FBXL2: variants seen among roughly 807,000 people sequenced by gnomAD.
The protein encoded by FBXL2 is F-box and leucine rich repeat protein 2.
FBXL2 carries 38 observed loss-of-function variants against 69.2 expected under a neutral mutation model. The ratio of observed to expected loss-of-function variants is 0.55; its 90% confidence interval spans 0.42 to 0.72. The LOEUF (loss-of-function observed/expected upper bound fraction) is 0.72. FBXL2 is among the 30% of genes least tolerant of loss of function. The pLI is 0.00. For missense variants in FBXL2, 354 were observed against 520.3 expected (o/e 0.68, Z 3.11); for synonymous variants, 192 against 201.3 (o/e 0.95, Z 0.39).
chr3:33,356,877 T>A (rs766279808), intron 2 of FBXL2, among the ~76,000 whole-genome samples: 9 of 152,170 alleles, frequency 5.9e-5, no homozygotes, highest in Non-Finnish European at 1.2e-4. Flanking sequence ...TCTCTTAGAT[T>A]AAAAGTTTCT....
intron 2 of FBXL2, among the ~76,000 whole-genome samples, chr3:33,321,764 A>G (rs1361868016): frequency 1.3e-5 from 2 of 152,188 alleles, no homozygotes; most frequent in Non-Finnish European, 2.9e-5. Flanking sequence ...TACTGTACTG[A>G]ATACTGTAGG....
chr3:33,338,663 A>G (rs2039772334), intron 2 of FBXL2, among the ~76,000 whole-genome samples: 1 of 152,222 alleles, frequency 6.6e-6, no homozygotes. Context: ...GCCACCAATA[A>G]CAAGCAATGG....
chr3:33,343,157 A>C (rs899199188), intron 2 of FBXL2, among the ~76,000 whole-genome samples: 4 of 151,940 alleles, frequency 2.6e-5, no homozygotes, highest in Non-Finnish European at 5.9e-5. Context: ...AATTATATAT[A>C]TATGATAGTT....
At chr3:33,353,794 G>A (rs533942734) in intron 2 of FBXL2, among the ~76,000 whole-genome samples, 16 of 152,224 alleles carry the variant, frequency 1.1e-4, no homozygotes, top group African/African-American at 3.1e-4. Context: ...AGGCTGAGGC[G>A]GGATGATCGA....
downstream of FBXL2, among the ~76,000 whole-genome samples, chr3:33,404,749 C>T (rs916830147): frequency 6.6e-6 from 1 of 152,016 alleles, no homozygotes; most frequent in African/African-American, 2.4e-5. Context: ...GGAGGATGGA[C>T]CTATTGTCAA....
intron 2 of FBXL2, among the ~76,000 whole-genome samples, chr3:33,340,964 G>A (rs1287380520): frequency 6.7e-6 from 1 of 149,988 alleles, no homozygotes; most frequent in Admixed American, 6.6e-5. Flanking sequence ...AACTGTACTA[G>A]TAAGTAAAAG....
chr3:33,335,891 T>G (rs2039539666), intron 2 of FBXL2, among the ~76,000 whole-genome samples: 1 of 152,168 alleles, frequency 6.6e-6, no homozygotes, highest in African/African-American at 2.4e-5. Flanking sequence ...CTATTCACAC[T>G]AGCATAAAAT....
At chr3:33,415,488 A>G in the FBXL2 span, among the ~76,000 whole-genome samples, 1 of 152,254 alleles carries the variant, frequency 6.6e-6, no homozygotes, top group Non-Finnish European at 1.5e-5. Flanking sequence ...TGAAGTTGGC[A>G]TGAGAACTTA....
In FBXL2 at chr3:33,359,027, G is replaced by A; in HGVS notation, c.120+6G>A. 6.6e-7 allele frequency: 1 copy of A among 1,514,282 alleles called. No homozygotes were observed. The highest frequency in any genetic ancestry group is 8.9e-7 in the Non-Finnish European group (1 of 1,122,608). The allele number at this position is 1,514,282 out of a possible 1,614,324, so 93.8% of individuals were successfully genotyped here. ...GATGTGCACAGATTTCCAAGGTAGA[G>A]TATTCACCAGATTTTTTAATCAATA... On this transcript the variant is annotated splice_donor_region_variant and intron_variant, in intron 3 of 14. Coordinates refer to ENST00000484457, the MANE Select transcript of FBXL2 (RefSeq NM_012157.5).
At chr3:33,369,639 G>T (rs1040293753) in intron 5 of FBXL2, among the ~76,000 whole-genome samples, 1 of 151,694 alleles carries the variant, frequency 6.6e-6, no homozygotes, top group Non-Finnish European at 1.5e-5. Context: ...ATTTTAGATA[G>T]TCTCACTCTG....
At chr3:33,287,386 C>G (rs573571644) in intron 1 of FBXL2, among the ~76,000 whole-genome samples, 3 of 152,098 alleles carry the variant, frequency 2.0e-5, no homozygotes. Flanking sequence ...TTATAGAACC[C>G]ATTCTCTGTA....
chr3:33,341,157 TG>T (rs891998088), intron 2 of FBXL2, among the ~76,000 whole-genome samples: 2 of 152,144 alleles, frequency 1.3e-5, no homozygotes, highest in Non-Finnish European at 2.9e-5. Context: ...AAATACCATT[TG>T]TGAAGTAGTC....
chr3:33,317,276 C>T (rs1238967654), intron 2 of FBXL2, among the ~76,000 whole-genome samples: 7 of 152,122 alleles, frequency 4.6e-5, no homozygotes, highest in Non-Finnish European at 7.4e-5. Flanking sequence ...CCTCTCGCAC[C>T]GTGTTGGTGA....
rs1254775413 is a variant in FBXL2 at position 33,297,494 on chromosome 3, A to C, written c.4-170A>C. ...TTTATGAAACAGTGATAGGACATAA[A>C]ATATTTTATATTACTCAATATTAGA... On this transcript the variant is annotated intron_variant, in intron 1 of 14. Transcript: ENST00000484457. Among the ~76,000 whole-genome samples the C allele has an allele frequency of 1.7e-4, 26 of 152,172 alleles. 1 individual carries two copies. The highest frequency in any genetic ancestry group is 1.7e-3 in the Admixed American group (26 of 15,268).
chr3:33,295,811 C>A (rs536811813), intron 1 of FBXL2, among the ~76,000 whole-genome samples: 2 of 152,300 alleles, frequency 1.3e-5, no homozygotes, highest in African/African-American at 4.8e-5. Flanking sequence ...TTTTGACTTA[C>A]CCTTGTCTTA....
At chr3:33,392,506 G>A, downstream of FBXL2, 3 of 1,462,646 alleles carry the variant, frequency 2.1e-6, no homozygotes, top group South Asian at 3.7e-5. Context: ...ACTAATTAGA[G>A]GCACACACCA....
At chr3:33,330,273 G>C (rs1315232759) in intron 2 of FBXL2, among the ~76,000 whole-genome samples, 1 of 142,698 alleles carries the variant, frequency 7.0e-6, no homozygotes, top group African/African-American at 2.8e-5. Context: ...GATGGAGCAA[G>C]ACATTGTCCA....
chr3:33,354,651 A>T (rs74400360), intron 2 of FBXL2, among the ~76,000 whole-genome samples: 2,181 of 152,334 alleles, frequency 0.014, 52 homozygotes, highest in African/African-American at 0.05. Context: ...ACCTATAGTA[A>T]ACATCATAAT....
At chr3:33,291,653 T>C (rs2035235046) in intron 1 of FBXL2, among the ~76,000 whole-genome samples, 1 of 152,048 alleles carries the variant, frequency 6.6e-6, no homozygotes, top group Non-Finnish European at 1.5e-5. Flanking sequence ...AGATGCACTC[T>C]ATAATCACTA....
Sources: allele counts gnomAD v4.1 joint callset (sites outside exome capture counted in the v4.1 genomes callset), GRCh38; gene constraint gnomAD v4.1.1; transcripts MANE v1.5; gene names NCBI Gene and HGNC (gene_info 2026-07-23, HGNC 2026-07-21).